The following RTN1 variants were observed in gnomAD, a reference collection of about 807,000 sequenced individuals.
RTN1 encodes reticulon-1.
A neutral mutation model predicts 65.5 loss-of-function variants in RTN1; 25 were observed. The observed-to-expected ratio is 0.38, with a 90% CI of 0.28 to 0.53. RTN1 has a LOEUF of 0.53. Ranked by LOEUF, RTN1 falls within the 20% of genes least tolerant of loss-of-function variation. The pLI, the probability that RTN1 is intolerant of heterozygous loss-of-function variation, is 0.79. For synonymous variants in RTN1, 471 were observed against 447.6 expected (o/e 1.05, Z -0.66); for missense variants, 983 against 1,025.4 (o/e 0.96, Z 0.57).
At chr14:59,776,171 A>G (rs1445448796) in intron 1 of RTN1, among the ~76,000 whole-genome samples, 1 of 152,068 alleles carries the variant, frequency 6.6e-6, no homozygotes, top group African/African-American at 2.4e-5. Flanking sequence ...GACAAGGTCC[A>G]TTGCTATGGG....
intron 2 of RTN1, among the ~76,000 whole-genome samples, chr14:59,729,645 C>A (rs1162436114): frequency 1.3e-5 from 2 of 152,214 alleles, no homozygotes; most frequent in African/African-American, 2.4e-5. Context: ...ACCTCCAGAG[C>A]ACTGCTAGTA....
rs767890186 is a variant in RTN1, at chr14:59,727,708, C to T, written c.1016-40G>A. 3.2e-6 allele frequency: 5 copies of T among 1,542,202 alleles called. No individual in the cohort carries two copies. Among genetic ancestry groups the T allele is most frequent in the South Asian group, 1.2e-5 (1 of 80,964 alleles). On this transcript the variant is annotated intron_variant, in intron 2 of 8. Transcript: ENST00000267484. This position sits in a 1 kb window ranked among gnomAD's most constrained non-coding sequence, Gnocchi z 4.2. ...AGCGAAGGAGAGCCACGGAGGCACA[C>T]ACACGGACAGACAGATGGACAGAGA... is the stretch of plus-strand genomic sequence containing the variant.
chr14:59,746,497 G>A lies in RTN1; in HGVS notation c.242-16C>T, dbSNP rs773394754. On this transcript the variant is annotated splice_polypyrimidine_tract_variant and intron_variant, in intron 1 of 8. Coordinates refer to ENST00000267484, the MANE Select transcript of RTN1 (RefSeq NM_021136.3). The stretch of plus-strand genomic sequence containing the variant: ...CCTGCCACACCTATGAATCAAAGCA[G>A]CAGCAGACAGTGAGTGGGTGCTTGG... 11 of 1,553,390 alleles carry A rather than the reference G, an allele frequency of 7.1e-6. No homozygotes were observed. Among genetic ancestry groups the A allele is most frequent in the Non-Finnish European group, 8.7e-6 (10 of 1,153,900 alleles).
At chr14:59,822,607 G>A (rs1342863366) in intron 1 of RTN1, among the ~76,000 whole-genome samples, 2 of 152,152 alleles carry the variant, frequency 1.3e-5, no homozygotes, top group Non-Finnish European at 2.9e-5. Flanking sequence ...ATGTTAGCTT[G>A]TTAATTTTGA....
intron 3 of RTN1, among the ~76,000 whole-genome samples, chr14:59,682,810 A>G (rs570688385): frequency 3.5e-4 from 53 of 152,336 alleles, no homozygotes; most frequent in African/African-American, 1.2e-3. Flanking sequence ...GTGACTAATC[A>G]TAGGGAATAT....
At chr14:59,659,796 G>A (rs1272549658) in intron 3 of RTN1, among the ~76,000 whole-genome samples, 1 of 152,162 alleles carries the variant, frequency 6.6e-6, no homozygotes, top group East Asian at 1.9e-4. Flanking sequence ...ATACCAAATT[G>A]TAAAGACCAT....
At chr14:59,841,963 T>C (rs1887321638) in intron 1 of RTN1, among the ~76,000 whole-genome samples, 1 of 151,272 alleles carries the variant, frequency 6.6e-6, no homozygotes, top group African/African-American at 2.4e-5. Flanking sequence ...CCATCTCTAC[T>C]AAAAATACAA....
intron 1 of RTN1, among the ~76,000 whole-genome samples, chr14:59,819,423 CCA>C (rs1566737509): frequency 2.3e-4 from 3 of 13,314 alleles, no homozygotes; most frequent in East Asian, 3.0e-3. Flanking sequence ...CACCCCCCCC[CCA>C]CCCCCCACCC....
intron 1 of RTN1, among the ~76,000 whole-genome samples, chr14:59,789,431 G>A (rs921395969): frequency 2.0e-5 from 3 of 151,958 alleles, no homozygotes; most frequent in Admixed American, 1.3e-4. Context: ...TGCCTCTTTG[G>A]CATCTATTAA....
intron 3 of RTN1, among the ~76,000 whole-genome samples, chr14:59,703,680 G>A (rs1473269322): frequency 1.3e-5 from 2 of 152,222 alleles, no homozygotes; most frequent in Non-Finnish European, 1.5e-5. Context: ...TAAGTTCCGT[G>A]AGAGCACAAA....
At chr14:59,656,856 G>A (rs1364583902) in intron 3 of RTN1, among the ~76,000 whole-genome samples, 1 of 152,170 alleles carries the variant, frequency 6.6e-6, no homozygotes, top group Non-Finnish European at 1.5e-5. Context: ...AAACTTACTA[G>A]GAATTCAGTT....
At chr14:59,648,036 C>T (rs1882938079) in intron 3 of RTN1, among the ~76,000 whole-genome samples, 1 of 152,066 alleles carries the variant, frequency 6.6e-6, no homozygotes. Flanking sequence ...AGGTAGTCCA[C>T]TACCTAGACT....
intron 8 of RTN1, among the ~76,000 whole-genome samples, chr14:59,597,167 A>G (rs1203465313): frequency 6.6e-6 from 1 of 152,250 alleles, no homozygotes; most frequent in Non-Finnish European, 1.5e-5. Context: ...GAAGATGAGC[A>G]TAAGTAGGGA....
At chr14:59,843,741 A>T (rs1320848366) in intron 1 of RTN1, among the ~76,000 whole-genome samples, 3 of 152,200 alleles carry the variant, frequency 2.0e-5, no homozygotes, top group Non-Finnish European at 4.4e-5. Flanking sequence ...CAAAACTCAT[A>T]AAGCCTGTGT....
chr14:59,613,325 G>A (rs979568819), intron 3 of RTN1, among the ~76,000 whole-genome samples: 15 of 152,140 alleles, frequency 9.9e-5, no homozygotes, highest in Non-Finnish European at 1.8e-4. Context: ...TTGACATGGT[G>A]TCTCACTCTG....
chr14:59,825,182 G>A lies in RTN1; in HGVS notation c.241+45208C>T, dbSNP rs1887009123. On this transcript the variant is annotated intron_variant, in intron 1 of 8. Coordinates refer to ENST00000267484, the MANE Select transcript of RTN1 (RefSeq NM_021136.3). The surrounding 1 kb of genome is among the most constrained non-coding windows in gnomAD (Gnocchi z 4.2). Reference sequence around the variant, plus strand: ...CAACATCCCTAGCCTCTACCGACTAGGTGCCAATAGCACCCGAGTCATGTC... The same window carrying A: ...CAACATCCCTAGCCTCTACCGACTAAGTGCCAATAGCACCCGAGTCATGTC... Among the ~76,000 whole-genome samples, 3 of 152,178 alleles carry A rather than the reference G, an allele frequency of 2.0e-5. No homozygotes were observed. The highest frequency in any genetic ancestry group is 1.5e-5 in the Non-Finnish European group (1 of 68,034).
chr14:59,623,528 G>A (rs1164312008), intron 3 of RTN1, among the ~76,000 whole-genome samples: 1 of 152,218 alleles, frequency 6.6e-6, no homozygotes, highest in East Asian at 1.9e-4. Context: ...GACGGGCTTT[G>A]GAAATGTGAT....
chr14:59,827,515 C>G (rs184716383), intron 1 of RTN1, among the ~76,000 whole-genome samples: 34 of 152,290 alleles, frequency 2.2e-4, no homozygotes, highest in African/African-American at 7.0e-4. Context: ...TCAGCTCACA[C>G]TCTGCTCATA....
rs1416311496 is a variant in RTN1, at chr14:59,825,984, G to A, written c.241+44406C>T. Among the ~76,000 whole-genome samples, 1 of 152,126 alleles carries A rather than the reference G, an allele frequency of 6.6e-6. No individual in the cohort carries two copies. Among genetic ancestry groups the A allele is most frequent in the Admixed American group, 6.5e-5 (1 of 15,272 alleles). On this transcript the variant is annotated intron_variant, in intron 1 of 8. Transcript: ENST00000267484. The surrounding 1 kb of genome is among the most constrained non-coding windows in gnomAD (Gnocchi z 4.2). ...AGCATTGGCTTTCCTATTTGCACTT[G>A]TGTGTTTTGCACTATTAAATATATC...
Sources: gnomAD v4.1 joint callset for allele counts (sites outside exome capture counted in the v4.1 genomes callset) on GRCh38, gnomAD v4.1.1 for gene constraint, Gnocchi (gnomAD v3.1) non-coding constraint, MANE v1.5 for transcripts, NCBI Gene and HGNC (gene_info 2026-07-23, HGNC 2026-07-21) for gene names.